BNC2: variants seen among roughly 807,000 people sequenced by gnomAD.
The protein encoded by BNC2 is basonuclin zinc finger protein 2, also known as zinc finger protein basonuclin-2.
In BNC2, 20 loss-of-function variants were observed where a neutral mutation model predicts 76.3. The observed-to-expected ratio is 0.26, with a 90% CI of 0.18 to 0.38. The LOEUF is 0.38. BNC2 is among the 10% of genes least tolerant of loss of function. The pLI is 1.00. For synonymous variants in BNC2, 582 were observed against 514.8 expected (o/e 1.13, Z -1.77); for missense variants, 1,382 against 1,399.8 (o/e 0.99, Z 0.20).
chr9:16,629,321 T>C (rs1268458296), intron 3 of BNC2, among the ~76,000 whole-genome samples: 1 of 152,242 alleles, frequency 6.6e-6, no homozygotes, highest in Non-Finnish European at 1.5e-5. Context: ...GAATGAGCTA[T>C]CAATGTAATA....
intron 6 of BNC2, among the ~76,000 whole-genome samples, chr9:16,423,845 CTCTT>C (rs1447117089): frequency 6.6e-6 from 1 of 152,152 alleles, no homozygotes; most frequent in Admixed American, 6.5e-5. Context: ...AACCTCTGTA[CTCTT>C]TCTATACTGT....
chr9:16,865,793 T>C (rs973695346), intron 1 of BNC2, among the ~76,000 whole-genome samples: 2 of 152,160 alleles, frequency 1.3e-5, no homozygotes, highest in African/African-American at 2.4e-5. Flanking sequence ...CTTACGCATA[T>C]TGAGTTAGAA....
chr9:16,832,373 C>T (rs1818596104), intron 1 of BNC2: 1 of 1,185,098 alleles, frequency 8.4e-7, no homozygotes, highest in Admixed American at 3.3e-5. Context: ...ACAGAGAACA[C>T]AATATGTTTT....
chr9:16,601,133 C>A (rs544879098), intron 3 of BNC2, among the ~76,000 whole-genome samples: 115 of 152,264 alleles, frequency 7.6e-4, no homozygotes, highest in African/African-American at 2.6e-3. Flanking sequence ...CCACTTCCTT[C>A]AGCAAAAGAA....
chr9:16,435,435 G>A (rs1458974368), intron 6 of BNC2, 120 bp downstream of exon 6: 1 of 1,222,762 alleles, frequency 8.2e-7, no homozygotes, highest in African/African-American at 1.5e-5. Context: ...GATCACTGTG[G>A]ACAATCTTTA....
intron 1 of BNC2, among the ~76,000 whole-genome samples, chr9:16,840,082 T>C (rs1818791822): frequency 6.6e-6 from 1 of 152,186 alleles, no homozygotes; most frequent in African/African-American, 2.4e-5. Context: ...ATCTTTAACT[T>C]CAGATAAGGA....
chr9:16,748,522 A>C lies in BNC2; in HGVS notation c.4-10037T>G, dbSNP rs890566562. On this transcript the variant is annotated intron_variant, in intron 1 of 6. Coordinates refer to ENST00000380672, the MANE Select transcript of BNC2 (RefSeq NM_017637.6). ...GAGTGAGACATTGTCTTAAACATTTAAAAAGAAGGAATCCAGTAAACAGAA... is the reference window on the plus strand; with the variant it reads ...GAGTGAGACATTGTCTTAAACATTTCAAAAGAAGGAATCCAGTAAACAGAA... 2.6e-5 allele frequency among the ~76,000 whole-genome samples: 4 copies of C among 151,544 alleles called. No individual in the cohort carries two copies. The East Asian group carries it at 5.8e-4, about 22-fold the overall frequency.
chr9:16,835,272 T>C (rs1818680590), intron 1 of BNC2, among the ~76,000 whole-genome samples: 1 of 152,244 alleles, frequency 6.6e-6, no homozygotes, highest in African/African-American at 2.4e-5. Flanking sequence ...GATTTTTCTT[T>C]GTTAAGTATG....
intron 4 of BNC2, among the ~76,000 whole-genome samples, chr9:16,578,911 T>C (rs560190174): frequency 7.9e-5 from 12 of 152,306 alleles, no homozygotes; most frequent in African/African-American, 2.9e-4. Flanking sequence ...TACAGAGACT[T>C]GACAGAATTA....
intron 5 of BNC2, among the ~76,000 whole-genome samples, chr9:16,467,472 C>T (rs1821718560): frequency 7.4e-6 from 1 of 134,534 alleles, no homozygotes; most frequent in African/African-American, 2.9e-5. Flanking sequence ...GAAAATGTGG[C>T]ACATATACAC....
At chr9:16,461,432 C>T (rs1177709671) in intron 5 of BNC2, among the ~76,000 whole-genome samples, 3 of 152,102 alleles carry the variant, frequency 2.0e-5, no homozygotes, top group Non-Finnish European at 2.9e-5. Flanking sequence ...TGATAAGAGG[C>T]AAATATCTTT....
chr9:16,865,850 G>C, intron 1 of BNC2, among the ~76,000 whole-genome samples: 1 of 152,102 alleles, frequency 6.6e-6, no homozygotes. Context: ...GTAACAAATG[G>C]TAAAAGCATA....
intron 3 of BNC2, among the ~76,000 whole-genome samples, chr9:16,664,725 A>G (rs896810024): frequency 2.0e-5 from 3 of 151,816 alleles, no homozygotes; most frequent in African/African-American, 7.3e-5. Flanking sequence ...AAAAAAAACA[A>G]AAACAAAAAA....
chr9:16,862,147 C>G (rs1358224510), intron 1 of BNC2, among the ~76,000 whole-genome samples: 11 of 152,230 alleles, frequency 7.2e-5, no homozygotes, highest in Admixed American at 7.2e-4. Context: ...GCCATACTAT[C>G]CAACAATTCT....
chr9:16,600,235 T>C (rs1051949609), intron 3 of BNC2, among the ~76,000 whole-genome samples: 1 of 152,196 alleles, frequency 6.6e-6, no homozygotes, highest in African/African-American at 2.4e-5. Context: ...GAATCATAAA[T>C]AGATAAGGAA....
chr9:16,612,961 A>C (rs1377441640), intron 3 of BNC2, among the ~76,000 whole-genome samples: 1 of 152,186 alleles, frequency 6.6e-6, no homozygotes, highest in Non-Finnish European at 1.5e-5. Context: ...GATTTCAACA[A>C]GCCAAGATGG....
At chr9:16,646,144 G>A (rs562691976) in intron 3 of BNC2, among the ~76,000 whole-genome samples, 30 of 152,178 alleles carry the variant, frequency 2.0e-4, no homozygotes, top group Non-Finnish European at 4.3e-4. Flanking sequence ...CCATCTCAGT[G>A]AACTGGAGGT....
intron 4 of BNC2, chr9:16,580,063 A>G (rs1819588589): frequency 1.3e-5 from 5 of 398,396 alleles, no homozygotes; most frequent in Non-Finnish European, 2.2e-5. Flanking sequence ...CCCCACACCC[A>G]GGACACTGCA....
chr9:16,589,091 C>A (rs566849215), intron 3 of BNC2, among the ~76,000 whole-genome samples: 2 of 152,116 alleles, frequency 1.3e-5, no homozygotes, highest in Non-Finnish European at 2.9e-5. Flanking sequence ...TTTGGTGTTC[C>A]ACACACAAAC....
Sources: gnomAD v4.1 joint callset for allele counts (sites outside exome capture counted in the v4.1 genomes callset) on GRCh38, gnomAD v4.1.1 for gene constraint, MANE v1.5 for transcripts, NCBI Gene and HGNC (gene_info 2026-07-23, HGNC 2026-07-21) for gene names.